Variants in ADAMTSL3 observed in about 807,000 individuals in gnomAD.
ADAMTSL3 encodes the protein ADAMTS like 3.
Under a neutral mutation model 201.7 loss-of-function variants are expected in ADAMTSL3, and 128 were observed. The ratio of observed to expected loss-of-function variants is 0.63; its 90% confidence interval spans 0.55 to 0.73. ADAMTSL3 has a LOEUF of 0.73. Ranked by LOEUF, ADAMTSL3 falls within the 30% of genes least tolerant of loss-of-function variation. ADAMTSL3 has a pLI of 0.00. For synonymous variants in ADAMTSL3, 738 were observed against 748.4 expected (o/e 0.99, Z 0.23); for missense variants, 1,990 against 2,119.6 (o/e 0.94, Z 1.20).
chr15:83,778,775 C>G (rs2063120421), intron 4 of ADAMTSL3, among the ~76,000 whole-genome samples: 1 of 152,098 alleles, frequency 6.6e-6, no homozygotes. Flanking sequence ...CAATACTAAC[C>G]TTGAATGTAA....
At position 83,970,630 on chromosome 15, in the gene ADAMTSL3, G is replaced by A. The variant is rs1471480915; in HGVS notation, c.2637G>A (p.Glu879=). The A allele has an allele frequency of 1.2e-6, 2 of 1,614,172 alleles. No individual in the cohort carries two copies. Among genetic ancestry groups the A allele is most frequent in the East Asian group, 2.2e-5 (1 of 44,886 alleles). The change falls in exon 20 of 30, where the codon GAG becomes GAA. Residue 879 remains glutamate, a synonymous_variant. Transcript: ENST00000286744. ...LPLVRSCQMP[E]CSKIKSEMKT... is the part of the protein sequence containing the mutation. ...TTGTAAGATCTTGCCAGATGCCTGA[G>A]TGCAGTAGTAAGTATGCGGTGTCCG...
intron 5 of ADAMTSL3, among the ~76,000 whole-genome samples, chr15:83,811,172 T>C (rs2141882997): frequency 6.6e-6 from 1 of 152,352 alleles, no homozygotes; most frequent in African/African-American, 2.4e-5. Flanking sequence ...TTTTGCCATG[T>C]AAGATAACAT....
At chr15:83,991,010 C>T in intron 22 of ADAMTSL3, 76 bp from the exon 23 acceptor site, 1 of 1,594,910 alleles carries the variant, frequency 6.3e-7, no homozygotes, top group Non-Finnish European at 8.6e-7. Flanking sequence ...CTCAACAAAG[C>T]TTACCAAATG....
chr15:83,761,430 C>T (rs540693749), intron 3 of ADAMTSL3, among the ~76,000 whole-genome samples: 12 of 152,238 alleles, frequency 7.9e-5, no homozygotes, highest in African/African-American at 2.4e-4. Context: ...TCCAAGCTTC[C>T]TTTAATCTTA....
At chr15:83,723,176 G>C (rs1249933908) in intron 3 of ADAMTSL3, among the ~76,000 whole-genome samples, 1 of 152,084 alleles carries the variant, frequency 6.6e-6, no homozygotes, top group East Asian at 1.9e-4. Flanking sequence ...GCAAGTGACT[G>C]GTTAATAATC....
In ADAMTSL3 at chr15:83,944,243, C is replaced by T. The variant is rs77677738; in HGVS notation, c.2490+1161C>T. 2.4e-3 allele frequency among the ~76,000 whole-genome samples: 358 copies of T among 152,322 alleles called. 14 individuals are homozygous for T. The East Asian group carries it at 0.062, about 26-fold the overall frequency. On this transcript the variant is annotated intron_variant, in intron 19 of 29. Coordinates refer to ENST00000286744, the MANE Select transcript of ADAMTSL3 (RefSeq NM_207517.3). Reference sequence around the variant, plus strand: ...TAGCTGGTAGGGCCTTTCTTGCACTCATGGCTCTCTTACTCCAGTCCTTAT... The same window carrying T: ...TAGCTGGTAGGGCCTTTCTTGCACTTATGGCTCTCTTACTCCAGTCCTTAT...
intron 2 of ADAMTSL3, among the ~76,000 whole-genome samples, chr15:83,693,170 T>C (rs1447367950): frequency 2.0e-5 from 3 of 152,228 alleles, no homozygotes; most frequent in Non-Finnish European, 4.4e-5. Flanking sequence ...TCTCTGAGGT[T>C]GGCAACAAGA....
chr15:83,727,055 G>A (rs1474449807), intron 3 of ADAMTSL3, among the ~76,000 whole-genome samples: 2 of 151,676 alleles, frequency 1.3e-5, no homozygotes, highest in Non-Finnish European at 2.9e-5. Flanking sequence ...TTTTAATTAT[G>A]GCTTCAATCA....
chr15:83,688,683 A>C, intron 2 of ADAMTSL3, among the ~76,000 whole-genome samples: 1 of 151,850 alleles, frequency 6.6e-6, no homozygotes, highest in Non-Finnish European at 1.5e-5. Context: ...TGAAGAATTT[A>C]TTAAATAATT....
intron 19 of ADAMTSL3, among the ~76,000 whole-genome samples, chr15:83,964,357 G>A (rs1484069676): frequency 6.6e-6 from 1 of 151,968 alleles, no homozygotes; most frequent in Non-Finnish European, 1.5e-5. Context: ...GAAAAAAACA[G>A]CACGAGAACT....
At chr15:83,908,065 G>A (rs918060405) in intron 15 of ADAMTSL3, among the ~76,000 whole-genome samples, 2 of 152,106 alleles carry the variant, frequency 1.3e-5, no homozygotes, top group Non-Finnish European at 2.9e-5. Context: ...AATGATTTTA[G>A]CAGTTGGATA....
chr15:84,009,722 A>C (rs544242439), intron 23 of ADAMTSL3, among the ~76,000 whole-genome samples: 46 of 152,152 alleles, frequency 3.0e-4, no homozygotes, highest in Middle Eastern at 3.4e-3. Context: ...AAGGTCACCG[A>C]CTCCTGAATC....
chr15:83,885,440 C>T (rs62025855), intron 10 of ADAMTSL3, among the ~76,000 whole-genome samples: 1 of 149,138 alleles, frequency 6.7e-6, no homozygotes, highest in African/African-American at 2.5e-5. Flanking sequence ...TTACTTTTAG[C>T]CAAAAAAAAA....
chr15:83,746,527 C>A (rs1024588288), intron 3 of ADAMTSL3, among the ~76,000 whole-genome samples: 1 of 152,110 alleles, frequency 6.6e-6, no homozygotes, highest in South Asian at 2.1e-4. Context: ...ATCAAAATCA[C>A]CAGCTCTTGA....
At chr15:84,020,883 C>G (rs920304432) in intron 25 of ADAMTSL3, among the ~76,000 whole-genome samples, 3 of 152,224 alleles carry the variant, frequency 2.0e-5, no homozygotes, top group Non-Finnish European at 4.4e-5. Flanking sequence ...GTCACAGGAT[C>G]AATCTGAAGT....
intron 17 of ADAMTSL3, among the ~76,000 whole-genome samples, chr15:83,935,126 A>G (rs1211925347): frequency 2.0e-5 from 3 of 152,288 alleles, no homozygotes; most frequent in Admixed American, 6.5e-5. Context: ...GAAAGTCCAG[A>G]CTTTATCACT....
chr15:83,772,674 C>T (rs1259258653), intron 3 of ADAMTSL3, among the ~76,000 whole-genome samples: 3 of 151,078 alleles, frequency 2.0e-5, no homozygotes, highest in African/African-American at 2.4e-5. Context: ...GCCTGACACA[C>T]AAGCAAGTCA....
intron 4 of ADAMTSL3, among the ~76,000 whole-genome samples, chr15:83,791,093 A>C (rs1348985117): frequency 6.6e-6 from 1 of 152,232 alleles, no homozygotes; most frequent in East Asian, 1.9e-4. Flanking sequence ...GGAAGAAGAC[A>C]CAAATAAATG....
chr15:83,846,600 G>A (rs911045888), intron 7 of ADAMTSL3, among the ~76,000 whole-genome samples: 1 of 152,176 alleles, frequency 6.6e-6, no homozygotes, highest in Admixed American at 6.5e-5. Context: ...CCTAACCCAG[G>A]GTGCACATCA....
Sources: gnomAD v4.1 joint callset for allele counts (sites outside exome capture counted in the v4.1 genomes callset) on GRCh38, gnomAD v4.1.1 for gene constraint, MANE v1.5 for transcripts, NCBI Gene and HGNC (gene_info 2026-07-23, HGNC 2026-07-21) for gene names.